The following IPO5 variants were observed in gnomAD, a reference collection of about 807,000 sequenced individuals.
IPO5 encodes the protein importin-5.
IPO5 carries 18 observed loss-of-function variants against 143.3 expected under a neutral mutation model. The ratio of observed to expected loss-of-function variants is 0.13; its 90% confidence interval spans 0.09 to 0.19. The LOEUF is 0.19. Among genes scored for constraint, IPO5 ranks in the 10% least tolerant of loss-of-function variants. The pLI, the probability that IPO5 is intolerant of heterozygous loss-of-function variation, is 1.00. For missense variants in IPO5, 1,013 were observed against 1,336.9 expected, an observed-to-expected ratio of 0.76 and a Z score of 3.78; for synonymous variants, 477 against 465.7, an observed-to-expected ratio of 1.02 and a Z score of -0.31.
At chr13:97,962,191 G>T (rs1884942299) in intron 2 of IPO5, among the ~76,000 whole-genome samples, 1 of 151,840 alleles carries the variant, frequency 6.6e-6, no homozygotes, top group South Asian at 2.1e-4. Context: ...TCTCTTTCTT[G>T]ATGGTGTCCT....
intron 2 of IPO5, among the ~76,000 whole-genome samples, chr13:97,956,864 A>G (rs987730889): frequency 1.3e-5 from 2 of 152,178 alleles, no homozygotes; most frequent in African/African-American, 4.8e-5. Flanking sequence ...CCGGGACCAA[A>G]TACCAAAATT....
chr13:98,002,232 GTCTCGA>G, intron 13 of IPO5: 2 of 279,264 alleles, frequency 7.2e-6, no homozygotes, highest in Admixed American at 9.9e-5. Flanking sequence ...AACCAGGATG[GTCTCGA>G]TCTCCTGACC....
chr13:97,964,597 C>A (rs535842111), intron 2 of IPO5, among the ~76,000 whole-genome samples: 40 of 151,930 alleles, frequency 2.6e-4, no homozygotes, highest in African/African-American at 9.2e-4. Flanking sequence ...GCCACCACAC[C>A]CAGCTAATTT....
intron 12 of IPO5, among the ~76,000 whole-genome samples, chr13:97,997,836 A>G (rs1888428501): frequency 6.6e-6 from 1 of 152,202 alleles, no homozygotes; most frequent in South Asian, 2.1e-4. Context: ...GTTTCTTGGA[A>G]GTTCATAAAA....
intron 3 of IPO5, among the ~76,000 whole-genome samples, chr13:97,973,035 CTTCTT>C (rs1190776516): frequency 2.4e-4 from 29 of 118,832 alleles, no homozygotes; most frequent in African/African-American, 7.3e-4. Flanking sequence ...TTTCTTTTAT[CTTCTT>C]TTTTTTTTTT....
intron 2 of IPO5, among the ~76,000 whole-genome samples, chr13:97,959,064 C>T (rs1048940908): frequency 2.6e-5 from 4 of 151,418 alleles, no homozygotes; most frequent in African/African-American, 9.7e-5. Context: ...CCCAGCTACT[C>T]GGGAGGCTGA....
At chr13:97,998,135 C>T (rs1015636908) in intron 12 of IPO5, among the ~76,000 whole-genome samples, 20 of 152,138 alleles carry the variant, frequency 1.3e-4, no homozygotes, top group African/African-American at 4.1e-4. Flanking sequence ...GCCACCACGT[C>T]CAGCTAATTT....
chr13:98,009,876 C>G lies in IPO5; in HGVS notation c.1801-5C>G, dbSNP rs763368147. On this transcript the variant is annotated splice_region_variant and splice_polypyrimidine_tract_variant and intron_variant, in intron 18 of 28. Coordinates refer to ENST00000651721, the MANE Select transcript of IPO5 (RefSeq NM_002271.6). ...ATCTATTTTAATTTTAAAATTTTTC[C>G]CCAGATCTCTTACATGATCTCAGCA... is the stretch of plus-strand genomic sequence containing the variant. The G allele has an allele frequency of 1.9e-6, 3 of 1,579,956 alleles. No homozygotes were observed. The highest frequency in any genetic ancestry group is 2.6e-6 in the Non-Finnish European group (3 of 1,162,962).
intron 17 of IPO5, among the ~76,000 whole-genome samples, chr13:98,006,870 T>G (rs1423244759): frequency 2.0e-5 from 3 of 148,946 alleles, no homozygotes; most frequent in Admixed American, 2.0e-4. Flanking sequence ...TTTGGTGTTT[T>G]TTTTTTTTTT....
At position 98,020,233 on chromosome 13, in the gene IPO5, T is replaced by C. The variant is rs183973711; in HGVS notation, c.3065+424T>C. Among the ~76,000 whole-genome samples, 257 of 152,280 alleles carry C rather than the reference T, an allele frequency of 1.7e-3. 4 individuals are homozygous for C. The highest frequency in any genetic ancestry group is 0.016 in the Admixed American group (240 of 15,298). The stretch of plus-strand genomic sequence containing the variant: ...CTAAGGGAATGTTGTTTAGTGTCTG[T>C]TTTCTAAGTCCAAGTTCCCCCCAAA... On this transcript the variant is annotated intron_variant, in intron 27 of 28. Coordinates refer to ENST00000651721, the MANE Select transcript of IPO5 (RefSeq NM_002271.6).
At chr13:98,016,996 G>C (rs1566570497) in intron 25 of IPO5, 145 bp downstream of exon 25, 10 of 636,906 alleles carry the variant, frequency 1.6e-5, no homozygotes, top group Non-Finnish European at 2.5e-5. Flanking sequence ...CAAGTTGACT[G>C]CATTACCCTG....
chr13:98,019,489 A>C, intron 26 of IPO5, 92 bp from the exon 27 acceptor site: 2 of 858,140 alleles, frequency 2.3e-6, no homozygotes, highest in Non-Finnish European at 3.7e-6. Flanking sequence ...TCTTTACCAT[A>C]ATCAATATCT....
At chr13:97,980,655 C>A (rs1326758794) in intron 4 of IPO5, among the ~76,000 whole-genome samples, 1 of 151,108 alleles carries the variant, frequency 6.6e-6, no homozygotes, top group Non-Finnish European at 1.5e-5. Context: ...TGGTGAAATC[C>A]CATCTCTACT....
intron 12 of IPO5, among the ~76,000 whole-genome samples, chr13:97,998,303 CTAAAT>C (rs1888474186): frequency 6.6e-6 from 1 of 152,164 alleles, no homozygotes; most frequent in Non-Finnish European, 1.5e-5. Context: ...CTGTCGTACT[CTAAAT>C]TATTTCCAAG....
chr13:97,994,868 G>A (rs964008901), intron 11 of IPO5, among the ~76,000 whole-genome samples: 1 of 152,172 alleles, frequency 6.6e-6, no homozygotes, highest in Non-Finnish European at 1.5e-5. Flanking sequence ...GCTCAGGCCT[G>A]TAATTCCAGC....
In IPO5 at chr13:97,993,027, C is replaced by T. The variant is rs373042518; in HGVS notation, c.792+13C>T. The T allele has an allele frequency of 8.7e-6, 14 of 1,611,564 alleles. No individual in the cohort carries two copies. The African/African-American group carries it at 1.1e-4, about 12-fold the overall frequency. On this transcript the variant is annotated intron_variant, in intron 10 of 28. Coordinates refer to ENST00000651721, the MANE Select transcript of IPO5 (RefSeq NM_002271.6). Reference sequence around the variant, plus strand: ...GCTAAGTCTAAAGGTAAATTAAGTACGTTAGTAAACGTTCTGTTTGTTATT... The same window carrying T: ...GCTAAGTCTAAAGGTAAATTAAGTATGTTAGTAAACGTTCTGTTTGTTATT...
Position 98,014,041 on chromosome 13 carries a change from C to T in IPO5, c.2153-1C>T. 2 of 1,605,762 alleles carry T rather than the reference C, an allele frequency of 1.2e-6. No individual in the cohort carries two copies. The highest frequency in any genetic ancestry group is 1.7e-6 in the Non-Finnish European group (2 of 1,177,100). On this transcript the variant is annotated splice_acceptor_variant, in intron 21 of 28. Coordinates refer to ENST00000651721, the MANE Select transcript of IPO5 (RefSeq NM_002271.6). LOFTEE classifies it high-confidence loss of function. ...CTTTTGAGGTTCCTTAACAATGAAACGTGTTCGAGTGGCAGCAGCGGAATC... is the reference window on the plus strand; with the variant it reads ...CTTTTGAGGTTCCTTAACAATGAAATGTGTTCGAGTGGCAGCAGCGGAATC...
intron 5 of IPO5, among the ~76,000 whole-genome samples, chr13:97,982,995 C>T (rs969114616): frequency 2.6e-5 from 4 of 152,170 alleles, no homozygotes; most frequent in Middle Eastern, 3.2e-3. Flanking sequence ...CTCAGCTTCC[C>T]GAGTAACTGG....
At chr13:98,016,030 C>A (rs1386774359) in intron 24 of IPO5, among the ~76,000 whole-genome samples, 1 of 152,222 alleles carries the variant, frequency 6.6e-6, no homozygotes, top group East Asian at 1.9e-4. Flanking sequence ...TTACCTAGTT[C>A]ATTTACATAC....
Sources: gnomAD v4.1 joint callset for allele counts (sites outside exome capture counted in the v4.1 genomes callset) on GRCh38, gnomAD v4.1.1 for gene constraint, MANE v1.5 for transcripts, NCBI Gene and HGNC (gene_info 2026-07-23, HGNC 2026-07-21) for gene names.